HNF4G: variants seen among roughly 807,000 people sequenced by gnomAD.
The protein encoded by HNF4G is hepatocyte nuclear factor 4 gamma, also known as hepatocyte nuclear factor 4-gamma.
HNF4G carries 21 observed loss-of-function variants against 50.9 expected under a neutral mutation model. That is an observed-to-expected ratio of 0.41 (90% CI 0.29 to 0.59). The LOEUF is 0.59. Among genes scored for constraint, HNF4G ranks in the 20% least tolerant of loss-of-function variants. The pLI, the probability that HNF4G is intolerant of heterozygous loss-of-function variation, is 0.26. For missense variants in HNF4G, 527 were observed against 559.4 expected (o/e 0.94, Z 0.58); for synonymous variants, 198 against 185.6 (o/e 1.07, Z -0.54).
At chr8:75,508,981 G>C (rs142066311) in intron 2 of HNF4G, among the ~76,000 whole-genome samples, 6 of 152,324 alleles carry the variant, frequency 3.9e-5, no homozygotes, top group African/African-American at 1.4e-4. Context: ...AACTGGAAGT[G>C]ACTATAGGCC....
At chr8:75,527,285 TTG>T (rs533120059) in intron 2 of HNF4G, among the ~76,000 whole-genome samples, 24 of 152,266 alleles carry the variant, frequency 1.6e-4, no homozygotes, top group African/African-American at 5.5e-4. Context: ...AGTTATGGTA[TTG>T]TTGGATGTGA....
intron 2 of HNF4G, among the ~76,000 whole-genome samples, chr8:75,499,633 A>G (rs1320058911): frequency 6.6e-6 from 1 of 152,060 alleles, no homozygotes; most frequent in Non-Finnish European, 1.5e-5. Context: ...CAATTTCAAA[A>G]CTTACTAGAA....
At chr8:75,463,575 A>C (rs1811900896) in intron 1 of HNF4G, among the ~76,000 whole-genome samples, 1 of 152,034 alleles carries the variant, frequency 6.6e-6, no homozygotes, top group African/African-American at 2.4e-5. Flanking sequence ...TTACAACTGA[A>C]AATAATATGG....
intron 1 of HNF4G, among the ~76,000 whole-genome samples, chr8:75,489,890 A>G (rs1338311869): frequency 6.6e-6 from 1 of 152,180 alleles, no homozygotes; most frequent in Non-Finnish European, 1.5e-5. Flanking sequence ...TCTGTGTGGA[A>G]CTTCCTGTGG....
chr8:75,440,729 G>A (rs2130545366), intron 1 of HNF4G, among the ~76,000 whole-genome samples: 1 of 152,130 alleles, frequency 6.6e-6, no homozygotes, highest in Non-Finnish European at 1.5e-5. Flanking sequence ...CCCTAATTTA[G>A]CTAATAATGT....
rs551827365 is a variant in HNF4G, at chr8:75,513,383, G to T, written c.-24+23175G>T. On this transcript the variant is annotated intron_variant, in intron 2 of 10. Transcript: ENST00000354370. ...ACTTTATTCAGATTTTCTATTTCTT[G>T]TGATTAAATTTGTTAAATTTGTTTA... Among the ~76,000 whole-genome samples, 4 of 152,232 alleles carry T rather than the reference G, an allele frequency of 2.6e-5. No individual in the cohort carries two copies. In the East Asian group the frequency reaches 7.7e-4, roughly 29 times the overall value.
upstream of HNF4G, among the ~76,000 whole-genome samples, chr8:75,535,424 TG>T (rs1340637101): frequency 1.3e-5 from 2 of 151,804 alleles, no homozygotes; most frequent in East Asian, 3.9e-4. Flanking sequence ...TCATTTATGT[TG>T]GGTAGAGTTC....
At chr8:75,500,248 C>A (rs776429261) in intron 2 of HNF4G, among the ~76,000 whole-genome samples, 1 of 151,938 alleles carries the variant, frequency 6.6e-6, no homozygotes, top group South Asian at 2.1e-4. Flanking sequence ...GATATATAAA[C>A]GAACAATAAG....
chr8:75,453,843 T>G (rs1171496114), intron 1 of HNF4G, among the ~76,000 whole-genome samples: 1 of 152,176 alleles, frequency 6.6e-6, no homozygotes, highest in Non-Finnish European at 1.5e-5. Context: ...AAGGTTGGTG[T>G]AATGGACTGA....
At chr8:75,511,615 G>A (rs763833882) in intron 2 of HNF4G, among the ~76,000 whole-genome samples, 3 of 152,158 alleles carry the variant, frequency 2.0e-5, no homozygotes, top group African/African-American at 7.2e-5. Context: ...TTTTTGAGAC[G>A]AAGTCTCGCT....
At chr8:75,440,924 C>T (rs1344041290) in intron 1 of HNF4G, among the ~76,000 whole-genome samples, 5 of 152,098 alleles carry the variant, frequency 3.3e-5, no homozygotes, top group African/African-American at 1.2e-4. Flanking sequence ...TTAAAGTGAT[C>T]ATGGCTCACT....
chr8:75,422,795 C>T (rs977498798), intron 1 of HNF4G, among the ~76,000 whole-genome samples: 6 of 151,882 alleles, frequency 4.0e-5, no homozygotes, highest in African/African-American at 9.7e-5. Context: ...CACCATGCCC[C>T]GCTAATTTTT....
intron 2 of HNF4G, among the ~76,000 whole-genome samples, chr8:75,547,343 G>A (rs781680347): frequency 6.6e-6 from 1 of 152,212 alleles, no homozygotes; most frequent in African/African-American, 2.4e-5. Context: ...AAGTGGTTAT[G>A]CACAGCAGCC....
At chr8:75,414,467 A>T (rs1810582187) in intron 1 of HNF4G, among the ~76,000 whole-genome samples, 1 of 152,162 alleles carries the variant, frequency 6.6e-6, no homozygotes. Context: ...TGAAATCACC[A>T]CAGTAAAGAT....
chr8:75,414,515 C>A (rs560799307), intron 1 of HNF4G, among the ~76,000 whole-genome samples: 17 of 152,260 alleles, frequency 1.1e-4, no homozygotes, highest in African/African-American at 3.1e-4. Flanking sequence ...TTTTCTAAAG[C>A]TCTTTTATAC....
At chr8:75,456,685 A>G (rs1048271061) in intron 1 of HNF4G, among the ~76,000 whole-genome samples, 1 of 151,916 alleles carries the variant, frequency 6.6e-6, no homozygotes, top group Admixed American at 6.6e-5. Flanking sequence ...CATTCTATAT[A>G]AAAGTCCCAT....
At chr8:75,530,545 A>T (rs1434691351) in intron 2 of HNF4G, among the ~76,000 whole-genome samples, 1 of 152,122 alleles carries the variant, frequency 6.6e-6, no homozygotes, top group Non-Finnish European at 1.5e-5. Flanking sequence ...GTTGATGACA[A>T]TTAGAATAAA....
chr8:75,481,108 C>T (rs1812367200), intron 1 of HNF4G, among the ~76,000 whole-genome samples: 3 of 152,128 alleles, frequency 2.0e-5, no homozygotes. Context: ...GCTTTTTAGT[C>T]TCCCACACAA....
At chr8:75,470,387 C>T (rs77952847) in intron 1 of HNF4G, among the ~76,000 whole-genome samples, 9,318 of 152,158 alleles carry the variant, frequency 0.061, 326 homozygotes, top group Non-Finnish European at 0.066. Flanking sequence ...GGCAGGATTA[C>T]CTCATTTAAC....
Sources: gnomAD v4.1 joint callset for allele counts (sites outside exome capture counted in the v4.1 genomes callset) on GRCh38, gnomAD v4.1.1 for gene constraint, MANE v1.5 for transcripts, NCBI Gene and HGNC (gene_info 2026-07-23, HGNC 2026-07-21) for gene names.